DISC1: variants seen among roughly 807,000 people sequenced by gnomAD.
The protein encoded by DISC1 is DISC1 scaffold protein.
DISC1 carries 57 observed loss-of-function variants against 84.5 expected under a neutral mutation model. That is an observed-to-expected ratio of 0.67 (90% CI 0.55 to 0.84). DISC1 has a LOEUF of 0.84. Ranked by LOEUF, DISC1 falls within the 40% of genes least tolerant of loss-of-function variation. The probability of loss-of-function intolerance (pLI) is 0.00; values close to 1 mark genes in which losing one functional copy is unlikely to be tolerated. For synonymous variants in DISC1, 411 were observed against 415.2 expected, an observed-to-expected ratio of 0.99 and a Z score of 0.12; for missense variants, 1,000 against 1,057.8, an observed-to-expected ratio of 0.95 and a Z score of 0.76.
chr1:231,811,809 CA>C (rs1200027970), intron 8 of DISC1, among the ~76,000 whole-genome samples: 1 of 152,170 alleles, frequency 6.6e-6, no homozygotes, highest in African/African-American at 2.4e-5. Context: ...TCAAGTTCAG[CA>C]ATCTCGCATG....
At chr1:231,823,774 A>G (rs555652085) in intron 9 of DISC1, among the ~76,000 whole-genome samples, 18 of 152,282 alleles carry the variant, frequency 1.2e-4, no homozygotes, top group African/African-American at 3.4e-4. Context: ...GATGGTTGTG[A>G]CCAACTACCT....
intron 9 of DISC1, among the ~76,000 whole-genome samples, chr1:231,914,441 A>G (rs1169337230): frequency 6.6e-6 from 1 of 152,202 alleles, no homozygotes; most frequent in Non-Finnish European, 1.5e-5. Flanking sequence ...TTGGGTGGTT[A>G]ACTGGTCATC....
Position 231,694,313 on chromosome 1 carries a change from C to T in DISC1, c.555C>T (p.Asn185=), listed in dbSNP as rs139667828. The change falls in exon 2 of 13, where the codon AAC becomes AAT. Residue 185 remains asparagine, a synonymous_variant. Transcript: ENST00000439617. Reference sequence around the variant, plus strand: ...TGCCATCAGCAGAGTTGAGTAGCAACAGCTGCAGCCCTGGCTGTGGCCCTG... The same window carrying T: ...TGCCATCAGCAGAGTTGAGTAGCAATAGCTGCAGCCCTGGCTGTGGCCCTG... The part of the protein sequence containing the change: ...GSLPSAELSS[N]SCSPGCGPEV... 4.5e-4 allele frequency: 729 copies of T among 1,614,268 alleles called. 6 individuals carry two copies. The African/African-American group carries it at 8.9e-3, about 20-fold the overall frequency.
chr1:231,872,911 T>C (rs6671423), intron 9 of DISC1, among the ~76,000 whole-genome samples: 19,275 of 152,248 alleles, frequency 0.13, 1,367 homozygotes, highest in East Asian at 0.32. Context: ...TTGACATACA[T>C]TTTCAGTTTT....
At chr1:231,737,415 G>T (rs967075947) in intron 3 of DISC1, among the ~76,000 whole-genome samples, 4 of 152,222 alleles carry the variant, frequency 2.6e-5, no homozygotes, top group Non-Finnish European at 5.9e-5. Flanking sequence ...CCTGCTATGT[G>T]CAGTACACTT....
rs149933774 is a variant in DISC1 at position 231,997,363 on chromosome 1, G to A, written c.2043-11422G>A. On this transcript the variant is annotated intron_variant, in intron 10 of 12. Coordinates refer to ENST00000439617, the MANE Select transcript of DISC1 (RefSeq NM_018662.3). ...CTTTGAATCCAGCCTCGCTCACACC[G>A]TAGAAGCCAGAGCAATGTTGATGGA... is the stretch of plus-strand genomic sequence containing the variant. Among the ~76,000 whole-genome samples, 48 of 152,242 alleles carry A rather than the reference G, an allele frequency of 3.2e-4. No individual in the cohort carries two copies. In the East Asian group the frequency reaches 7.9e-3, roughly 25 times the overall value.
chr1:231,640,546 T>TG (rs1553286679), intron 1 of DISC1, among the ~76,000 whole-genome samples: 1 of 150,960 alleles, frequency 6.6e-6, no homozygotes, highest in African/African-American at 2.4e-5. Flanking sequence ...TTTTTTTTTT[T>TG]GAGACAAGGT....
intron 9 of DISC1, chr1:231,855,504 T>G (rs952774337): frequency 4.6e-6 from 4 of 867,612 alleles, no homozygotes; most frequent in Non-Finnish European, 5.5e-6. Context: ...GAAATCCCAC[T>G]TCTCTTTTTG....
intron 9 of DISC1, among the ~76,000 whole-genome samples, chr1:231,841,884 T>G (rs1011495392): frequency 6.6e-6 from 1 of 152,152 alleles, no homozygotes; most frequent in African/African-American, 2.4e-5. Context: ...AAGAGCAAAA[T>G]GTTAAGGTTA....
chr1:231,928,135 C>T (rs1282961420), intron 9 of DISC1, among the ~76,000 whole-genome samples: 1 of 152,164 alleles, frequency 6.6e-6, no homozygotes, highest in Non-Finnish European at 1.5e-5. Flanking sequence ...AGCAAACACC[C>T]ATTCAGTGAA....
At chr1:231,963,875 C>T (rs915305213) in intron 10 of DISC1, among the ~76,000 whole-genome samples, 1 of 152,036 alleles carries the variant, frequency 6.6e-6, no homozygotes, top group African/African-American at 2.4e-5. Flanking sequence ...GCAGAGGGTA[C>T]GTGACTGGGG....
chr1:231,759,879 G>T (rs1468585960), intron 4 of DISC1, among the ~76,000 whole-genome samples: 1 of 152,164 alleles, frequency 6.6e-6, no homozygotes, highest in Non-Finnish European at 1.5e-5. Flanking sequence ...AAGGACAAGG[G>T]GGGAAACTAA....
chr1:231,723,194 T>C, intron 3 of DISC1: 1 of 865,374 alleles, frequency 1.2e-6, no homozygotes, highest in Non-Finnish European at 1.4e-6. Flanking sequence ...TGCTGTATTT[T>C]TGATTCATGT....
At chr1:232,025,734 C>T (rs1009141359) in intron 11 of DISC1, among the ~76,000 whole-genome samples, 4 of 151,604 alleles carry the variant, frequency 2.6e-5, no homozygotes, top group African/African-American at 7.3e-5. Flanking sequence ...GTAGCTGGGA[C>T]TACAGGCGCC....
chr1:231,680,084 C>T lies in DISC1; in HGVS notation c.68-13742C>T, dbSNP rs536038437. Among the ~76,000 whole-genome samples the T allele has an allele frequency of 2.8e-4, 42 of 152,146 alleles. No individual in the cohort carries two copies. In the South Asian group the frequency reaches 8.1e-3, roughly 29 times the overall value. ...CTCTACTAAAAATACAGAAGTTAGC[C>T]GGGCATGGTGGTGCATGCCTGTAAT... On this transcript the variant is annotated intron_variant, in intron 1 of 12. Transcript: ENST00000439617.
At chr1:231,775,829 G>C (rs12090676) in intron 6 of DISC1, among the ~76,000 whole-genome samples, 1 of 152,004 alleles carries the variant, frequency 6.6e-6, no homozygotes, top group Non-Finnish European at 1.5e-5. Flanking sequence ...CTTTTACCCA[G>C]TGAGCTTGGT....
At position 231,694,671 on chromosome 1, in the gene DISC1, C is replaced by G. The variant is rs760329626; in HGVS notation, c.913C>G (p.Leu305Val). Reference sequence around the variant, plus strand: ...CATGGACCCTGGCTCCTCCAGTTCTCTGGATCCCTCACTGGCTGGCTGTGG... The same window carrying G: ...CATGGACCCTGGCTCCTCCAGTTCTGTGGATCCCTCACTGGCTGGCTGTGG... The part of the protein sequence containing the change: ...PDMDPGSSSS[L>V]DPSLAGCGGD... The change falls in exon 2 of 13, where the codon CTG (leucine) becomes GTG (valine). Residue 305 changes from leucine to valine, a missense_variant. Physicochemically the swap from Leu to Val is conservative, Grantham distance 32. Coordinates refer to ENST00000439617, the MANE Select transcript of DISC1 (RefSeq NM_018662.3). 6.2e-7 allele frequency: 1 copy of G among 1,614,254 alleles called. No individual in the cohort carries two copies. Among genetic ancestry groups the G allele is most frequent in the South Asian group, 1.1e-5 (1 of 91,092 alleles).
At chr1:231,855,309 T>TTA (rs1393726447) in intron 9 of DISC1, 10 of 936,776 alleles carry the variant, frequency 1.1e-5, no homozygotes, top group East Asian at 1.2e-4. Flanking sequence ...AAATAACATG[T>TTA]TATATATATA....
At chr1:231,894,074 G>C (rs1558701280) in intron 9 of DISC1, among the ~76,000 whole-genome samples, 1 of 152,184 alleles carries the variant, frequency 6.6e-6, no homozygotes, top group Admixed American at 6.5e-5. Flanking sequence ...GGGAGAAGTA[G>C]AAGTGTTGGG....
Sources: allele counts gnomAD v4.1 joint callset (sites outside exome capture counted in the v4.1 genomes callset), GRCh38; gene constraint gnomAD v4.1.1; transcripts MANE v1.5; gene names NCBI Gene and HGNC (gene_info 2026-07-23, HGNC 2026-07-21).